GALNTL6: variants seen among roughly 807,000 people sequenced by gnomAD.
GALNTL6 encodes polypeptide N-acetylgalactosaminyltransferase like 6, also known as polypeptide N-acetylgalactosaminyltransferase-like 6.
A neutral mutation model predicts 73.7 loss-of-function variants in GALNTL6; 46 were observed. The observed-to-expected ratio is 0.62, with a 90% CI of 0.49 to 0.80. GALNTL6 has a LOEUF of 0.80. Among genes scored for constraint, GALNTL6 ranks in the 30% least tolerant of loss-of-function variants. The pLI is 0.00. For missense variants in GALNTL6, 604 were observed against 755.0 expected, an observed-to-expected ratio of 0.80 and a Z score of 2.34; for synonymous variants, 259 against 263.7, an observed-to-expected ratio of 0.98 and a Z score of 0.17.
intron 2 of GALNTL6, among the ~76,000 whole-genome samples, chr4:171,958,983 C>T (rs1739137350): frequency 6.6e-6 from 1 of 151,856 alleles, no homozygotes; most frequent in Non-Finnish European, 1.5e-5. Context: ...CCATCCATAC[C>T]TTCTGAAATA....
intron 8 of GALNTL6, among the ~76,000 whole-genome samples, chr4:172,884,960 C>G (rs965270156): frequency 2.0e-5 from 3 of 152,200 alleles, no homozygotes; most frequent in African/African-American, 7.2e-5. Context: ...TCTGGGTTCT[C>G]TATTTTGTTC....
intron 2 of GALNTL6, among the ~76,000 whole-genome samples, chr4:172,092,875 CTTT>C (rs201817743): frequency 2.3e-5 from 3 of 130,372 alleles, no homozygotes; most frequent in Admixed American, 7.8e-5. Context: ...TTTTTCTTTT[CTTT>C]TTTTTTTTTT....
chr4:172,780,846 C>A (rs1739336701), intron 5 of GALNTL6, among the ~76,000 whole-genome samples: 1 of 152,126 alleles, frequency 6.6e-6, no homozygotes, highest in African/African-American at 2.4e-5. Context: ...ACCTCTGGGC[C>A]CTGCAACTAC....
At chr4:172,698,251 C>A (rs548542652) in intron 5 of GALNTL6, among the ~76,000 whole-genome samples, 1 of 152,072 alleles carries the variant, frequency 6.6e-6, no homozygotes, top group African/African-American at 2.4e-5. Flanking sequence ...TGAGCCTGCC[C>A]GGTATTCAGA....
At chr4:172,332,384 T>G (rs1451982643) in intron 4 of GALNTL6, among the ~76,000 whole-genome samples, 1 of 152,100 alleles carries the variant, frequency 6.6e-6, no homozygotes, top group Admixed American at 6.5e-5. Flanking sequence ...TATCAAACAT[T>G]GAATTTATTT....
intron 11 of GALNTL6, among the ~76,000 whole-genome samples, chr4:173,012,073 CT>C (rs1256870395): frequency 6.6e-6 from 1 of 152,124 alleles, no homozygotes; most frequent in African/African-American, 2.4e-5. Context: ...TCACCTAACC[CT>C]TTTCACTGTT....
At chr4:172,397,971 CCTT>C (rs1743910549) in intron 5 of GALNTL6, among the ~76,000 whole-genome samples, 1 of 151,964 alleles carries the variant, frequency 6.6e-6, no homozygotes, top group African/African-American at 2.4e-5. Flanking sequence ...ATTCTTCTGT[CCTT>C]CTTTGGATTC....
chr4:172,269,620 CTT>C (rs1325247370), intron 3 of GALNTL6, among the ~76,000 whole-genome samples: 13 of 152,100 alleles, frequency 8.5e-5, no homozygotes, highest in African/African-American at 2.9e-4. Context: ...TAGAAAGACT[CTT>C]TTCCATTATA....
chr4:171,847,016 C>A (rs935498776), intron 2 of GALNTL6, among the ~76,000 whole-genome samples: 2 of 149,284 alleles, frequency 1.3e-5, no homozygotes, highest in African/African-American at 4.9e-5. Flanking sequence ...ATATCTATAT[C>A]TCTCTCTTTC....
chr4:172,822,604 G>A (rs1349133881), intron 7 of GALNTL6, among the ~76,000 whole-genome samples: 1 of 152,122 alleles, frequency 6.6e-6, no homozygotes, highest in Non-Finnish European at 1.5e-5. Flanking sequence ...CTGCTGCCAG[G>A]ATAGACAGCT....
At chr4:172,430,243 G>A (rs912551288) in intron 5 of GALNTL6, among the ~76,000 whole-genome samples, 41 of 152,018 alleles carry the variant, frequency 2.7e-4, no homozygotes, top group African/African-American at 9.2e-4. Flanking sequence ...TATTCTAGGT[G>A]CTAAAGACTA....
At chr4:171,819,079 G>A (rs1734616313) in intron 2 of GALNTL6, among the ~76,000 whole-genome samples, 1 of 151,792 alleles carries the variant, frequency 6.6e-6, no homozygotes. Flanking sequence ...TTAGAATTTG[G>A]AAGAGCTAAG....
intron 5 of GALNTL6, among the ~76,000 whole-genome samples, chr4:172,545,400 C>A (rs1413538725): frequency 1.3e-4 from 20 of 152,166 alleles, no homozygotes. Context: ...AGAAAATAGA[C>A]ATTTGAAAAG....
intron 8 of GALNTL6, among the ~76,000 whole-genome samples, chr4:172,913,768 G>A (rs1747347131): frequency 6.6e-6 from 1 of 152,180 alleles, no homozygotes; most frequent in South Asian, 2.1e-4. Flanking sequence ...ACATTTGATT[G>A]GTGTACCTTA....
At chr4:172,964,990 C>T (rs558894446) in intron 10 of GALNTL6, among the ~76,000 whole-genome samples, 27 of 152,344 alleles carry the variant, frequency 1.8e-4, no homozygotes, top group Admixed American at 6.5e-4. Context: ...GGCAACTACG[C>T]GGCAAACTGC....
chr4:172,034,399 CGTGTGTGTGTGTGTGTGTGTGTGT>C (rs1209195765), intron 2 of GALNTL6, among the ~76,000 whole-genome samples: 1,611 of 33,440 alleles, frequency 0.048, 32 homozygotes, highest in African/African-American at 0.13. Flanking sequence ...AGCGTGCGTG[CGTGTGTGTGTGTGTGTGTGTGTGT>C]GTGTGTGTGT....
At chr4:172,851,660 A>G (rs948594227) in intron 7 of GALNTL6, among the ~76,000 whole-genome samples, 1 of 152,136 alleles carries the variant, frequency 6.6e-6, no homozygotes, top group African/African-American at 2.4e-5. Context: ...TGCACAGAAG[A>G]TAAAAGGAAG....
intron 2 of GALNTL6, among the ~76,000 whole-genome samples, chr4:171,967,461 T>G (rs201056777): frequency 1.4e-4 from 8 of 55,388 alleles, no homozygotes; most frequent in African/African-American, 2.0e-4. Context: ...TTTTTTTTTT[T>G]TTTTGTAGAT....
At chr4:172,020,834 A>G (rs533087430) in intron 2 of GALNTL6, among the ~76,000 whole-genome samples, 2 of 151,926 alleles carry the variant, frequency 1.3e-5, no homozygotes, top group Non-Finnish European at 2.9e-5. Context: ...TGATACTTAC[A>G]CCAAAGACAC....
Sources: allele counts gnomAD v4.1 joint callset (sites outside exome capture counted in the v4.1 genomes callset), GRCh38; gene constraint gnomAD v4.1.1; transcripts MANE v1.5; gene names NCBI Gene and HGNC (gene_info 2026-07-23, HGNC 2026-07-21).